Variants in SCRIB observed in about 807,000 individuals in gnomAD.
SCRIB encodes scribble planar cell polarity protein, also known as protein scribble homolog.
Under a neutral mutation model 170.0 loss-of-function variants are expected in SCRIB, and 72 were observed. The observed-to-expected ratio is 0.42, with a 90% CI of 0.35 to 0.52. The LOEUF is 0.52. Ranked by LOEUF, SCRIB falls within the 20% of genes least tolerant of loss-of-function variation. The probability of loss-of-function intolerance (pLI) is 0.02; values close to 1 mark genes in which losing one functional copy is unlikely to be tolerated. For missense variants in SCRIB, 2,475 were observed against 2,338.5 expected, an observed-to-expected ratio of 1.06 and a Z score of -1.20; for synonymous variants, 1,298 against 1,044.3, an observed-to-expected ratio of 1.24 and a Z score of -4.68.
chr8:143,792,870 G>A lies in SCRIB; in HGVS notation c.4018-3C>T, dbSNP rs1489363033. The stretch of plus-strand genomic sequence containing the variant: ...GCTGCAGGCCCAGGCGTGGGGGGCT[G>A]GGGGGAGCGGACCTTGAGGTTTGGC... On this transcript the variant is annotated splice_region_variant and splice_polypyrimidine_tract_variant and intron_variant, in intron 29 of 36. Transcript: ENST00000356994. The A allele has an allele frequency of 6.6e-7, 1 of 1,510,488 alleles. No homozygotes were observed. The highest frequency in any genetic ancestry group is 8.8e-7 in the Non-Finnish European group (1 of 1,134,416). 93.6% of individuals were successfully genotyped at this position (1,510,488 alleles called of 1,614,324 possible).
At chr8:143,798,180 C>T (rs575847987) in intron 24 of SCRIB, among the ~76,000 whole-genome samples, 21 of 151,878 alleles carry the variant, frequency 1.4e-4, no homozygotes, top group Admixed American at 4.6e-4. Flanking sequence ...CGCTTGAACC[C>T]GGGAGGTGGA....
At chr8:143,808,423 T>TGGAGTCCAAGCATGGACTGAGACCAAC (rs1563802215) in intron 15 of SCRIB, among the ~76,000 whole-genome samples, 186 bp downstream of exon 15, 62 of 125,118 alleles carry the variant, frequency 5.0e-4, no homozygotes, top group African/African-American at 1.3e-3. Context: ...CTGAGACCAA[T>TGGAGTCCAAGCATGGACTGAGACCAAC]GCCAGGGCAG....
Position 143,810,533 on chromosome 8 carries a change from C to T in SCRIB, c.1476G>A (p.Arg492=). 1 of 1,613,186 alleles carries T rather than the reference C, an allele frequency of 6.2e-7. No homozygotes were observed. Among genetic ancestry groups the T allele is most frequent in the East Asian group, 2.2e-5 (1 of 44,874 alleles). The change falls in exon 13 of 37, where the codon CGG becomes CGA. Residue 492 remains arginine (R), a synonymous_variant. Coordinates refer to ENST00000356994, the MANE Select transcript of SCRIB (RefSeq NM_182706.5). ...CTGGCTGGCAAGGGCAGGCCTCGCT[C>T]CGCCGCCCCTCGATGCTCCTCTTCA... ...KVMKRSIEGR[R]SEACPCQPDS...
intron 27 of SCRIB, chr8:143,794,260 G>C (rs566519520): frequency 9.6e-6 from 4 of 414,760 alleles, no homozygotes. Flanking sequence ...GGGAGGGCTC[G>C]GGGGAGGGGC....
Position 143,795,509 on chromosome 8 carries a change from T to C in SCRIB, c.3625A>G (p.Asn1209Asp). The C allele has an allele frequency of 6.2e-7, 1 of 1,612,836 alleles. No homozygotes were observed. The highest frequency in any genetic ancestry group is 8.5e-7 in the Non-Finnish European group (1 of 1,179,556). Residue 1209 changes from asparagine to aspartate, a missense_variant, in exon 25 of 37, where the codon AAC becomes GAC. Asn to Asp is a conservative substitution (Grantham distance 23). Transcript: ENST00000356994. ...ALEVSPGVIA[N>D]PFAAGIGHRN... ...TGGCCGATGCCTGCCGCAAAGGGGT[T>C]GGCAATGACACCTGGGGACACCTGA...
intron 24 of SCRIB, among the ~76,000 whole-genome samples, chr8:143,801,578 A>C (rs1323249939): frequency 1.3e-5 from 2 of 152,166 alleles, no homozygotes; most frequent in Non-Finnish European, 2.9e-5. Flanking sequence ...GCTGCAGAAA[A>C]ACACACCTGT....
intron 4 of SCRIB, 47 bp from the exon 5 acceptor site, chr8:143,813,573 C>G (rs1340697572): frequency 4.3e-6 from 7 of 1,612,510 alleles, no homozygotes; most frequent in Non-Finnish European, 4.2e-6. Flanking sequence ...AAAGCAGTGG[C>G]AGCAGGGGCA....
In SCRIB at chr8:143,792,110, G is replaced by A. The variant is rs1814713527; in HGVS notation, c.4538C>T (p.Ala1513Val). The stretch of plus-strand genomic sequence containing the variant: ...GCTGAGGACCATCTGTGCTCGGAGA[G>A]CGTCCTGTTCCAATGACTTCATCCT... ...AARMKSLEQD[A>V]LRAQMVLSRS... The change falls in exon 33 of 37, where the codon GCT becomes GTT. Residue 1513 changes from alanine (A) to valine (V), a missense_variant. By Grantham distance (64) the Ala-to-Val change is moderately conservative. Transcript: ENST00000356994. 6.3e-7 allele frequency: 1 copy of A among 1,586,984 alleles called. No individual in the cohort carries two copies. The highest frequency in any genetic ancestry group is 8.5e-7 in the Non-Finnish European group (1 of 1,173,396).
At position 143,792,317 on chromosome 8, in the gene SCRIB, C is replaced by T. The variant is rs782501621; in HGVS notation, c.4417G>A (p.Val1473Met). 2.6e-5 allele frequency: 40 copies of T among 1,551,134 alleles called. No homozygotes were observed. The highest frequency in any genetic ancestry group is 5.4e-5 in the African/African-American group (4 of 73,852). The stretch of plus-strand genomic sequence containing the variant: ...GGTGCCGGTGGCTCCGGACTCTGCA[C>T]GCGCAGCCGCTCCTGGTGGCGCCGT... ...AERRHQERLR[V>M]QSPEPPAPER... The change falls in exon 32 of 37, where the codon GTG becomes ATG. Residue 1473 changes from valine (V) to methionine (M), a missense_variant. Transcript: ENST00000356994.
intron 34 of SCRIB, 54 bp downstream of exon 34, chr8:143,791,822 A>T: frequency 8.0e-7 from 1 of 1,244,796 alleles, no homozygotes; most frequent in South Asian, 1.6e-5. Flanking sequence ...GGCAGGCCAG[A>T]CCCCACCCCC....
At position 143,795,486 on chromosome 8, in the gene SCRIB, G is replaced by A. The variant is rs2130009802; in HGVS notation, c.3648C>T (p.Gly1216=). The change falls in exon 25 of 37, where the codon GGC becomes GGT. Residue 1216 remains glycine (G), a synonymous_variant. Coordinates refer to ENST00000356994, the MANE Select transcript of SCRIB (RefSeq NM_182706.5). ...VIANPFAAGI[G]HRNSLESISS... ...AGATGCTCTCCAGGCTGTTCCGGTG[G>A]CCGATGCCTGCCGCAAAGGGGTTGG... 1 of 1,613,048 alleles carries A rather than the reference G, an allele frequency of 6.2e-7. No homozygotes were observed. Among genetic ancestry groups the A allele is most frequent in the East Asian group, 2.2e-5 (1 of 44,868 alleles).
intron 1 of SCRIB, 32 bp from the exon 2 acceptor site, chr8:143,814,150 A>G: frequency 6.6e-7 from 1 of 1,518,138 alleles, no homozygotes; most frequent in Non-Finnish European, 8.9e-7. Flanking sequence ...ACTCTGTGGC[A>G]GAGACCACTG....
intron 27 of SCRIB, among the ~76,000 whole-genome samples, chr8:143,794,571 C>T (rs1385899693): frequency 6.6e-6 from 1 of 152,082 alleles, no homozygotes; most frequent in Non-Finnish European, 1.5e-5. Context: ...GTGGGGCGCA[C>T]CCTCTGGGAG....
At chr8:143,801,524 T>C (rs139069328) in intron 24 of SCRIB, among the ~76,000 whole-genome samples, 41 of 152,306 alleles carry the variant, frequency 2.7e-4, no homozygotes, top group African/African-American at 9.6e-4. Context: ...TTGATTTTTG[T>C]AACTCAAAAG....
At chr8:143,799,041 G>A (rs1382526402) in intron 24 of SCRIB, among the ~76,000 whole-genome samples, 8 of 152,198 alleles carry the variant, frequency 5.3e-5, no homozygotes, top group South Asian at 2.1e-4. Flanking sequence ...ATAAGTTCAC[G>A]AAAACCCTAA....
rs755024110 is a variant in SCRIB at position 143,812,795 on chromosome 8, A to G, written c.787+22T>C. 3 of 1,591,126 alleles carry G rather than the reference A, an allele frequency of 1.9e-6. No individual in the cohort carries two copies. In the Admixed American group the frequency reaches 5.0e-5, roughly 27 times the overall value. On this transcript the variant is annotated intron_variant, in intron 8 of 36. Transcript: ENST00000356994. ...GGGCCAGGCTCCGTGTGCCCCACCC[A>G]GGCACCCCCAGGCACACTAACCGAT...
chr8:143,815,167 C>G lies in SCRIB; in HGVS notation c.159+47G>C, dbSNP rs1187948108. On this transcript the variant is annotated intron_variant, in intron 1 of 36. Transcript: ENST00000356994. ...GCAGATTCTGCCGCCGGAGGAATCACGGGCTGGGGGCGCGCCTTTGGGCGG... is the reference window on the plus strand; with the variant it reads ...GCAGATTCTGCCGCCGGAGGAATCAGGGGCTGGGGGCGCGCCTTTGGGCGG... 2.7e-6 allele frequency: 4 copies of G among 1,489,312 alleles called. No homozygotes were observed. The Middle Eastern group carries it at 6.8e-4, about 255-fold the overall frequency. 92.3% of individuals were successfully genotyped at this position (1,489,312 alleles called of 1,614,324 possible). A position where few individuals can be genotyped will look rare whatever the true frequency, so the allele number is the denominator to read the frequency against.
intron 8 of SCRIB, 50 bp downstream of exon 8, chr8:143,812,767 C>T: frequency 6.3e-7 from 1 of 1,582,828 alleles, no homozygotes; most frequent in Non-Finnish European, 8.6e-7. Context: ...CACGCTCCTC[C>T]CAGGGCCAGG....
chr8:143,811,373 G>T (rs760873852), intron 9 of SCRIB, 28 bp from the exon 10 acceptor site: 3 of 1,594,080 alleles, frequency 1.9e-6, no homozygotes, highest in African/African-American at 1.3e-5. Context: ...GTCAGAGGAC[G>T]CTAGGGGCTT....
Sources: allele counts gnomAD v4.1 joint callset (sites outside exome capture counted in the v4.1 genomes callset), GRCh38; gene constraint gnomAD v4.1.1; transcripts MANE v1.5; gene names NCBI Gene and HGNC (gene_info 2026-07-23, HGNC 2026-07-21).